SLC30A9: variants seen among roughly 807,000 people sequenced by gnomAD.
The protein encoded by SLC30A9 is proton-coupled zinc antiporter SLC30A9, mitochondrial.
In SLC30A9, 58 loss-of-function variants were observed where a neutral mutation model predicts 87.5. That is an observed-to-expected ratio of 0.66 (90% confidence interval 0.54 to 0.82). The LOEUF (loss-of-function observed/expected upper bound fraction) is 0.82. Ranked by LOEUF, SLC30A9 falls within the 40% of genes least tolerant of loss-of-function variation. SLC30A9 has a pLI of 0.00. For synonymous variants in SLC30A9, 234 were observed against 233.0 expected (o/e 1.00, Z -0.04); for missense variants, 557 against 679.1 (o/e 0.82, Z 2.00).
At chr4:42,008,022 A>C (rs982110059) in intron 2 of SLC30A9, among the ~76,000 whole-genome samples, 4 of 152,018 alleles carry the variant, frequency 2.6e-5, no homozygotes, top group Non-Finnish European at 5.9e-5. Flanking sequence ...TACTATTCTG[A>C]CTCTCAAAGT....
Position 42,070,542 on chromosome 4 carries a change from C to G in SLC30A9, c.1269C>G (p.Asp423Glu). 1 of 1,612,194 alleles carries G rather than the reference C, an allele frequency of 6.2e-7. No homozygotes were observed. Among genetic ancestry groups the G allele is most frequent in the Non-Finnish European group, 8.5e-7 (1 of 1,178,916 alleles). Residue 423 changes from aspartate (D) to glutamate (E), a missense_variant, in exon 15 of 18, where the codon GAC (aspartate) becomes GAG (glutamate). This residue lies in a region of SLC30A9 where 467 missense variants were observed against 529.8 expected (regional missense o/e 0.88). Coordinates refer to ENST00000264451, the MANE Select transcript of SLC30A9 (RefSeq NM_006345.4). Reference protein sequence around the residue: ...LTSITGNPLYDSLGSLGVGTL... With the variant: ...LTSITGNPLYESLGSLGVGTL... ...TTCATTTAGGCAATCCACTGTATGA[C>G]AGCCTAGGTTCTTTGGGTGTGGGCA... is the stretch of plus-strand genomic sequence containing the variant.
chr4:42,083,961 C>A (rs1311711253), intron 17 of SLC30A9, among the ~76,000 whole-genome samples: 2 of 152,152 alleles, frequency 1.3e-5, no homozygotes, highest in African/African-American at 4.8e-5. Context: ...TCCCTGTGTG[C>A]ACTCAGTAGA....
At chr4:41,998,765 A>T (rs974952647) in intron 1 of SLC30A9, among the ~76,000 whole-genome samples, 1 of 152,112 alleles carries the variant, frequency 6.6e-6, no homozygotes, top group African/African-American at 2.4e-5. Context: ...ACCCTGCGGA[A>T]TTCAGTAATT....
At chr4:42,017,184 G>A (rs1392799956) in intron 2 of SLC30A9, among the ~76,000 whole-genome samples, 1 of 151,946 alleles carries the variant, frequency 6.6e-6, no homozygotes, top group Non-Finnish European at 1.5e-5. Context: ...ATTAATAATG[G>A]GGCAGACATT....
intron 2 of SLC30A9, among the ~76,000 whole-genome samples, chr4:42,002,179 T>C (rs926536260): frequency 6.6e-6 from 1 of 152,030 alleles, no homozygotes; most frequent in African/African-American, 2.4e-5. Flanking sequence ...CCATTATATG[T>C]TTGTATCCTA....
rs116493269 is a variant in SLC30A9 at position 41,990,986 on chromosome 4, G to A, written c.109+226G>A. ...CCTAGCATGGCCCCCGCGGGAACTT[G>A]TGGGCACCTCGCGGGCCGGATTGCA... On this transcript the variant is annotated intron_variant, in intron 1 of 17. Transcript: ENST00000264451. Among the ~76,000 whole-genome samples the A allele has an allele frequency of 3.2e-3, 488 of 152,364 alleles. 2 individuals carry two copies. The highest frequency in any genetic ancestry group is 0.011 in the African/African-American group (466 of 41,594).
At chr4:42,019,641 A>G (rs1180539920) in intron 3 of SLC30A9, among the ~76,000 whole-genome samples, 1 of 152,182 alleles carries the variant, frequency 6.6e-6, no homozygotes, top group Non-Finnish European at 1.5e-5. Flanking sequence ...TAGTATACAC[A>G]TAGATTAGTA....
At chr4:42,020,747 A>G (rs1350230123) in intron 4 of SLC30A9, 8 of 376,892 alleles carry the variant, frequency 2.1e-5, no homozygotes, top group East Asian at 1.9e-4. Context: ...TAAACCCACA[A>G]TGGTAAATTC....
chr4:42,053,647 G>GATTGCACCACTGCACC (rs1272941191), intron 9 of SLC30A9, among the ~76,000 whole-genome samples: 1 of 121,294 alleles, frequency 8.2e-6, no homozygotes, highest in African/African-American at 3.3e-5. Context: ...CAAGATCCGA[G>GATTGCACCACTGCACC]ATTGCACCAC....
intron 1 of SLC30A9, among the ~76,000 whole-genome samples, chr4:42,000,750 A>C (rs1714946915): frequency 6.6e-6 from 1 of 152,078 alleles, no homozygotes; most frequent in Non-Finnish European, 1.5e-5. Context: ...TTGGAAGATC[A>C]TTATTAAGCA....
At chr4:42,022,384 A>T (rs10461066) in intron 4 of SLC30A9, among the ~76,000 whole-genome samples, 17 of 151,094 alleles carry the variant, frequency 1.1e-4, no homozygotes, top group Non-Finnish European at 1.9e-4. Flanking sequence ...GGCACCACCA[A>T]ACCCAGCTAA....
intron 6 of SLC30A9, among the ~76,000 whole-genome samples, chr4:42,026,360 T>C (rs1716191042): frequency 1.3e-5 from 2 of 152,202 alleles, no homozygotes; most frequent in Admixed American, 6.5e-5. Context: ...TGCAGTTATA[T>C]AGTTCTTTTA....
At chr4:42,077,051 G>C (rs1314766135) in intron 16 of SLC30A9, among the ~76,000 whole-genome samples, 1 of 151,924 alleles carries the variant, frequency 6.6e-6, no homozygotes, top group African/African-American at 2.4e-5. Context: ...TTAGTATGGT[G>C]TATATATAGA....
intron 6 of SLC30A9, among the ~76,000 whole-genome samples, chr4:42,033,866 T>C (rs188893352): frequency 1.6e-3 from 249 of 152,294 alleles, no homozygotes; most frequent in Admixed American, 3.3e-3. Flanking sequence ...TGAGCCACCG[T>C]GCCCGGCTGC....
chr4:41,990,756 C>T lies in SLC30A9; in HGVS notation c.105C>T (p.Arg35=). 6.2e-7 allele frequency: 1 copy of T among 1,608,846 alleles called. No individual in the cohort carries two copies. Among genetic ancestry groups the T allele is most frequent in the Non-Finnish European group, 8.5e-7 (1 of 1,177,586 alleles). The change falls in exon 1 of 18, where the codon CGC becomes CGT. Residue 35 remains arginine (R), a synonymous_variant. Coordinates refer to ENST00000264451, the MANE Select transcript of SLC30A9 (RefSeq NM_006345.4). ...CRAAACNPSD[R]QEWQNLVTFG... is the part of the protein sequence containing the mutation. Reference sequence around the variant, plus strand: ...CGGCGGCCTGTAATCCCAGCGACCGCCAGGGTGAGTGTCCCGCGCTGGCCG... The same window carrying T: ...CGGCGGCCTGTAATCCCAGCGACCGTCAGGGTGAGTGTCCCGCGCTGGCCG...
chr4:42,053,474 T>C (rs980112161), intron 9 of SLC30A9, among the ~76,000 whole-genome samples: 1 of 151,996 alleles, frequency 6.6e-6, no homozygotes, highest in African/African-American at 2.4e-5. Context: ...GCAGATCATC[T>C]GAGGTCAGGA....
chr4:41,993,441 A>G (rs1714544852), intron 1 of SLC30A9, among the ~76,000 whole-genome samples: 1 of 152,236 alleles, frequency 6.6e-6, no homozygotes, highest in Admixed American at 6.5e-5. Context: ...ACCAGTATAC[A>G]TTCCAGTAGG....
chr4:42,088,036 A>C lies in SLC30A9; in HGVS notation c.*1910A>C, dbSNP rs1465612547. ...CCTAATAAAAAAAAAAAAAATTCTG[A>C]TATTTCTTTTTAAATCTGATTTTGG... On this transcript the variant is annotated 3_prime_UTR_variant, in exon 18 of 18. Coordinates refer to ENST00000264451, the MANE Select transcript of SLC30A9 (RefSeq NM_006345.4). The C allele has an allele frequency of 6.7e-6, 1 of 150,330 alleles. No homozygotes were observed. Among genetic ancestry groups the C allele is most frequent in the Non-Finnish European group, 1.5e-5 (1 of 67,608 alleles). 9.3% of individuals were successfully genotyped at this position (150,330 alleles called of 1,614,324 possible).
chr4:42,065,488 G>A, intron 12 of SLC30A9, 139 bp downstream of exon 12: 1 of 618,476 alleles, frequency 1.6e-6, no homozygotes, highest in Non-Finnish European at 2.9e-6. Flanking sequence ...TCTACTTTTA[G>A]GGAGTAAAGT....
Sources: allele counts gnomAD v4.1 joint callset (sites outside exome capture counted in the v4.1 genomes callset), GRCh38; gene constraint gnomAD v4.1.1; regional missense constraint gnomAD v4.1.1; transcripts MANE v1.5; gene names NCBI Gene and HGNC (gene_info 2026-07-23, HGNC 2026-07-21).